RPRD2: variants seen among roughly 807,000 people sequenced by gnomAD.
The protein encoded by RPRD2 is regulation of nuclear pre-mRNA domain-containing protein 2.
In RPRD2, 12 loss-of-function variants were observed where a neutral mutation model predicts 104.4. The ratio of observed to expected loss-of-function variants is 0.11; its 90% CI spans 0.07 to 0.19. The LOEUF is 0.19. RPRD2 is among the 10% of genes least tolerant of loss of function. The pLI is 1.00. For synonymous variants in RPRD2, 714 were observed against 684.9 expected (o/e 1.04, Z -0.66); for missense variants, 1,543 against 1,790.1 (o/e 0.86, Z 2.49).
intron 1 of RPRD2, among the ~76,000 whole-genome samples, chr1:150,396,860 C>T (rs1303247984): frequency 2.6e-5 from 4 of 152,056 alleles, no homozygotes; most frequent in South Asian, 2.1e-4. Flanking sequence ...ACCAATGGAA[C>T]GGAATAATGT....
rs1407375626 is a variant in RPRD2, at chr1:150,422,367, T to TAATAATAATAATAATAAAAAA, written c.335+4644_335+4645insTAATAATAATAATAAAAAAAA. Among the ~76,000 whole-genome samples, 23 of 111,986 alleles carry TAATAATAATAATAATAAAAAA rather than the reference T, an allele frequency of 2.1e-4. No individual in the cohort carries two copies. The East Asian group carries it at 2.3e-3, about 11-fold the overall frequency. The allele number at this position is 111,986 out of a possible 152,430, so 73.5% of individuals were successfully genotyped here. On this transcript the variant is annotated intron_variant, in intron 2 of 10. Coordinates refer to ENST00000369068, the MANE Select transcript of RPRD2 (RefSeq NM_015203.5). ...ATAATAATAATAATAATAATAATAA[T>TAATAATAATAATAATAAAAAA]AAATAAAATTAAAATAAAAAAATAA... is the stretch of plus-strand genomic sequence containing the variant.
At chr1:150,469,093 G>A (rs1475331497) in intron 10 of RPRD2, among the ~76,000 whole-genome samples, 1 of 152,040 alleles carries the variant, frequency 6.6e-6, no homozygotes, top group Non-Finnish European at 1.5e-5. Flanking sequence ...AAGGATGGAG[G>A]GGACTTGAAA....
chr1:150,375,889 A>C (rs1553879351), intron 1 of RPRD2, among the ~76,000 whole-genome samples: 2 of 152,216 alleles, frequency 1.3e-5, no homozygotes, highest in Admixed American at 1.3e-4. Flanking sequence ...AGCTTGACTG[A>C]CTTTCTCATC....
chr1:150,429,253 T>A (rs1665388056), intron 2 of RPRD2, among the ~76,000 whole-genome samples: 1 of 152,076 alleles, frequency 6.6e-6, no homozygotes, highest in Non-Finnish European at 1.5e-5. Flanking sequence ...CCACCACGCC[T>A]GACTAATTTT....
At chr1:150,374,555 T>A (rs1660559750) in intron 1 of RPRD2, among the ~76,000 whole-genome samples, 1 of 152,206 alleles carries the variant, frequency 6.6e-6, no homozygotes, top group Non-Finnish European at 1.5e-5. Flanking sequence ...CTTGTGAGAC[T>A]GAGCACTCAG....
intron 1 of RPRD2, among the ~76,000 whole-genome samples, chr1:150,417,157 G>A (rs2102275370): frequency 7.1e-6 from 1 of 141,594 alleles, no homozygotes; most frequent in East Asian, 2.0e-4. Context: ...GCAACAAGTT[G>A]AGCATGTTCA....
intron 2 of RPRD2, among the ~76,000 whole-genome samples, chr1:150,418,613 A>T (rs1471937126): frequency 1.3e-5 from 2 of 152,218 alleles, no homozygotes. Context: ...TGCTCAAAAA[A>T]GTTTAGAAAA....
At chr1:150,466,237 G>A (rs1034144694) in intron 10 of RPRD2, among the ~76,000 whole-genome samples, 1 of 151,800 alleles carries the variant, frequency 6.6e-6, no homozygotes, top group Non-Finnish European at 1.5e-5. Flanking sequence ...AATTAGCCGG[G>A]CGTGGTGGCG....
rs1661661325 is a variant in RPRD2, at chr1:150,387,566, C to CTTTTTTTTTTTT, written c.205+22647_205+22648insTTTTTTTTTTTT. On this transcript the variant is annotated intron_variant, in intron 1 of 10. Transcript: ENST00000369068. ...TAAATCTTACAGAAGTTGCAACAGA[C>CTTTTTTTTTTTT]CTTTTTTTTTTTTTTTTTTTTTTTT... Among the ~76,000 whole-genome samples the CTTTTTTTTTTTT allele has an allele frequency of 1.9e-4, 13 of 70,114 alleles. 4 individuals carry two copies. Among genetic ancestry groups the CTTTTTTTTTTTT allele is most frequent in the Non-Finnish European group, 2.9e-4 (10 of 34,168 alleles). The allele number at this position is 70,114 out of a possible 152,430, so 46.0% of individuals were successfully genotyped here. A position where few individuals can be genotyped will look rare whatever the true frequency, so the allele number is the denominator to read the frequency against.
rs1189311937 is a variant in RPRD2 at position 150,472,103 on chromosome 1, C to T, written c.3155C>T (p.Thr1052Ile). 2.5e-6 allele frequency: 4 copies of T among 1,613,882 alleles called. No individual in the cohort carries two copies. In the East Asian group the frequency reaches 8.9e-5, roughly 36 times the overall value. ...CTCACCCAACCCAGCTTGACCGCCA[C>T]TGATCAGCAGCAACAAGAAGAGCAC... The part of the protein sequence containing the change: ...SNLTQPSLTA[T>I]DQQQQEEHYR... The change falls in exon 11 of 11, where the codon ACT becomes ATT. Residue 1052 changes from threonine (T) to isoleucine (I), a missense_variant. Transcript: ENST00000369068.
chr1:150,388,343 TACAC>T (rs34853478), intron 1 of RPRD2, among the ~76,000 whole-genome samples: 2 of 147,696 alleles, frequency 1.4e-5, no homozygotes, highest in African/African-American at 2.5e-5. Flanking sequence ...CATGTGTATA[TACAC>T]ACACATATAC....
At chr1:150,454,059 A>T (rs1667364420) in intron 7 of RPRD2, among the ~76,000 whole-genome samples, 2 of 151,914 alleles carry the variant, frequency 1.3e-5, no homozygotes, top group Admixed American at 1.3e-4. Flanking sequence ...TTTCCTCATC[A>T]CTATGAGACC....
At chr1:150,383,551 A>C (rs1449694970) in intron 1 of RPRD2, among the ~76,000 whole-genome samples, 1 of 152,028 alleles carries the variant, frequency 6.6e-6, no homozygotes, top group Non-Finnish European at 1.5e-5. Context: ...TCCTGACCTC[A>C]GGTGATCCAC....
intron 2 of RPRD2, among the ~76,000 whole-genome samples, chr1:150,425,443 A>G (rs1281682834): frequency 2.6e-5 from 4 of 152,060 alleles, no homozygotes; most frequent in Non-Finnish European, 5.9e-5. Flanking sequence ...CAGGAGTTTG[A>G]GACCAGCCTG....
chr1:150,381,630 G>A (rs587746092), intron 1 of RPRD2, among the ~76,000 whole-genome samples: 5 of 150,936 alleles, frequency 3.3e-5, no homozygotes, highest in South Asian at 4.2e-4. Context: ...TCAGTCTCCC[G>A]AGTAGCTGAG....
chr1:150,469,029 T>C (rs151259603), intron 10 of RPRD2, among the ~76,000 whole-genome samples: 1 of 152,246 alleles, frequency 6.6e-6, no homozygotes, highest in East Asian at 1.9e-4. Context: ...GAATATTGGA[T>C]AACAATAAAG....
intron 1 of RPRD2, among the ~76,000 whole-genome samples, chr1:150,387,617 G>GTTTTTTTTTTTTTTTT (rs1661685134): frequency 1.4e-5 from 1 of 73,914 alleles, no homozygotes; most frequent in Non-Finnish European, 2.5e-5. Flanking sequence ...TTGAGACGGA[G>GTTTTTTTTTTTTTTTT]TTTCACTCTT....
intron 7 of RPRD2, among the ~76,000 whole-genome samples, chr1:150,456,804 A>G (rs1364366627): frequency 6.6e-6 from 1 of 150,880 alleles, no homozygotes; most frequent in Non-Finnish European, 1.5e-5. Context: ...GCACGCCTAT[A>G]ATTCCAGCTA....
chr1:150,395,914 C>G (rs587774136), intron 1 of RPRD2, among the ~76,000 whole-genome samples: 163 of 152,296 alleles, frequency 1.1e-3, no homozygotes, highest in African/African-American at 3.4e-3. Context: ...TAAGGAATCT[C>G]CACACTGTTT....
Sources: gnomAD v4.1 joint callset for allele counts (sites outside exome capture counted in the v4.1 genomes callset) on GRCh38, gnomAD v4.1.1 for gene constraint, MANE v1.5 for transcripts, NCBI Gene and HGNC (gene_info 2026-07-23, HGNC 2026-07-21) for gene names.